The following GSE1 variants were observed in gnomAD, a reference collection of about 807,000 sequenced individuals.
GSE1 encodes Gse1 coiled-coil protein.
Under a neutral mutation model 112.6 loss-of-function variants are expected in GSE1, and 32 were observed. The observed-to-expected ratio is 0.28, with a 90% CI of 0.21 to 0.38. The LOEUF (loss-of-function observed/expected upper bound fraction) is 0.38, where lower values mean the gene tolerates loss of function less well. GSE1 is among the 10% of genes least tolerant of loss of function. The pLI is 1.00. For missense variants in GSE1, 2,348 were observed against 1,699.2 expected (o/e 1.38, Z -6.71); for synonymous variants, 1,115 against 735.6 (o/e 1.52, Z -8.35).
rs140571947 is a variant in GSE1, at chr16:85,583,343, C to T, written c.37+26980C>T. Reference sequence around the variant, plus strand: ...CCTGGTCCTGTTCCCTCAAACTCACCTTTCTCTGCCTGCTTCCAGGGTCCT... The same window carrying T: ...CCTGGTCCTGTTCCCTCAAACTCACTTTTCTCTGCCTGCTTCCAGGGTCCT... On this transcript the variant is annotated intron_variant, in intron 1 of 2. Transcript: ENST00000635906. The T allele has an allele frequency of 1.1e-3, 172 of 152,700 alleles. 4 individuals carry two copies. In the South Asian group the frequency reaches 0.026, roughly 23 times the overall value. The allele number at this position is 152,700 out of a possible 1,614,324, so 9.5% of individuals were successfully genotyped here. A position where few individuals can be genotyped will look rare whatever the true frequency, so the allele number is the denominator to read the frequency against.
chr16:85,584,966 G>A (rs115306930), intron 1 of GSE1, among the ~76,000 whole-genome samples: 3,442 of 152,156 alleles, frequency 0.023, 136 homozygotes, highest in African/African-American at 0.079. Flanking sequence ...GGGTTGTCAC[G>A]GTAATGGGAT....
chr16:85,507,135 C>T (rs562751477), intron 2 of GSE1, among the ~76,000 whole-genome samples: 12 of 152,148 alleles, frequency 7.9e-5, no homozygotes, highest in Admixed American at 2.0e-4. Flanking sequence ...CGGGCGTCGT[C>T]GACGCTCGCC....
At chr16:85,619,559 C>A (rs1340630490) in intron 1 of GSE1, among the ~76,000 whole-genome samples, 1 of 152,178 alleles carries the variant, frequency 6.6e-6, no homozygotes, top group African/African-American at 2.4e-5. Flanking sequence ...GGCAGGCGCT[C>A]TTACGTGGTG....
chr16:85,173,179 C>G (rs2074391964), intron 1 of GSE1, among the ~76,000 whole-genome samples: 2 of 152,204 alleles, frequency 1.3e-5, no homozygotes, highest in African/African-American at 4.8e-5. Context: ...AAGACTGACC[C>G]CAGTTCATTT....
At chr16:85,234,106 G>C (rs1052939658) in intron 1 of GSE1, among the ~76,000 whole-genome samples, 1 of 152,188 alleles carries the variant, frequency 6.6e-6, no homozygotes, top group Admixed American at 6.5e-5. Flanking sequence ...GTAGGCGTCT[G>C]GTTCTGGTGG....
chr16:85,568,830 G>A (rs184503791), intron 1 of GSE1, among the ~76,000 whole-genome samples: 4 of 152,306 alleles, frequency 2.6e-5, no homozygotes, highest in African/African-American at 9.6e-5. Flanking sequence ...GGATCACCCT[G>A]GGTTCACAGC....
chr16:85,212,593 C>G (rs2075244867), intron 1 of GSE1, among the ~76,000 whole-genome samples: 1 of 152,148 alleles, frequency 6.6e-6, no homozygotes, highest in Non-Finnish European at 1.5e-5. Flanking sequence ...AGACATCCAC[C>G]CTGCCCACAC....
At chr16:85,358,902 G>A (rs1028100013) in intron 2 of GSE1, among the ~76,000 whole-genome samples, 1 of 152,220 alleles carries the variant, frequency 6.6e-6, no homozygotes, top group Non-Finnish European at 1.5e-5. Flanking sequence ...GGGAGGAATG[G>A]CTAAGAGCCT....
At position 85,533,780 on chromosome 16, in the gene GSE1, G is replaced by A. The variant is rs181981681; in HGVS notation, c.2465-100134G>A. Among the ~76,000 whole-genome samples the A allele has an allele frequency of 4.5e-4, 69 of 152,156 alleles. 1 individual carries two copies. Among genetic ancestry groups the A allele is most frequent in the African/African-American group, 1.5e-3 (62 of 41,520 alleles). On this transcript the variant is annotated intron_variant, in intron 2 of 2. Transcript: ENST00000637419. ...CTTGGGAGGCTGAGGTGGGAGGATC[G>A]CTTGAGCCCGGGAGGTGGAGGCTGC...
At chr16:85,408,739 A>T (rs1373982567) in intron 2 of GSE1, among the ~76,000 whole-genome samples, 1 of 51,666 alleles carries the variant, frequency 1.9e-5, no homozygotes, top group Non-Finnish European at 3.6e-5. Context: ...CCTCACTGTC[A>T]CTCTCAGGCC....
intron 1 of GSE1, among the ~76,000 whole-genome samples, chr16:85,286,192 G>A (rs984185478): frequency 2.0e-5 from 3 of 152,248 alleles, no homozygotes; most frequent in Non-Finnish European, 4.4e-5. Context: ...CCCGTGCTCC[G>A]AGCATGTTAG....
chr16:85,596,907 ACAC>A (rs1279406249), intron 1 of GSE1, among the ~76,000 whole-genome samples: 3 of 152,138 alleles, frequency 2.0e-5, no homozygotes, highest in African/African-American at 7.2e-5. Flanking sequence ...GTGGTGGCAC[ACAC>A]CTGTAATCCC....
At chr16:85,641,720 T>A (rs1049802734) in intron 2 of GSE1, among the ~76,000 whole-genome samples, 8 of 152,240 alleles carry the variant, frequency 5.3e-5, no homozygotes, top group African/African-American at 1.9e-4. Flanking sequence ...GGGGGCTGAT[T>A]GGCTCTTTCC....
At position 85,245,301 on chromosome 16, in the gene GSE1, G is replaced by T. The variant is rs537981575; in HGVS notation, c.2283+73494G>T. Among the ~76,000 whole-genome samples, 72 of 152,350 alleles carry T rather than the reference G, an allele frequency of 4.7e-4. No individual in the cohort carries two copies. The Middle Eastern group carries it at 0.014, about 29-fold the overall frequency. ...TGCCCTGCTATTAAAGCTGGAGATT[G>T]GCTAGTATTCGAGAGGCACTGAAGT... On this transcript the variant is annotated intron_variant, in intron 1 of 2. Coordinates refer to the GSE1 transcript ENST00000637419.
At chr16:85,184,385 C>A (rs1421492210) in intron 1 of GSE1, among the ~76,000 whole-genome samples, 1 of 152,226 alleles carries the variant, frequency 6.6e-6, no homozygotes, top group African/African-American at 2.4e-5. Context: ...AGAGGGGAAT[C>A]TGCAAAGTCA....
At chr16:85,649,792 A>G (rs1269375415) in intron 3 of GSE1, among the ~76,000 whole-genome samples, 2 of 152,116 alleles carry the variant, frequency 1.3e-5, no homozygotes, top group Admixed American at 1.3e-4. Flanking sequence ...AGGAGGGGAG[A>G]GTCACTCTTG....
intron 2 of GSE1, among the ~76,000 whole-genome samples, chr16:85,542,884 C>T (rs747506931): frequency 6.6e-6 from 1 of 152,232 alleles, no homozygotes; most frequent in African/African-American, 2.4e-5. Context: ...TCCCTCATTA[C>T]ATGACCTGAG....
intron 1 of GSE1, among the ~76,000 whole-genome samples, chr16:85,250,233 A>G (rs1289933310): frequency 2.0e-5 from 3 of 152,096 alleles, no homozygotes; most frequent in Non-Finnish European, 4.4e-5. Context: ...TTCTTTCAGA[A>G]TGGGCTTGGA....
upstream of GSE1, among the ~76,000 whole-genome samples, chr16:85,554,105 G>A (rs952417274): frequency 6.6e-6 from 1 of 152,056 alleles, no homozygotes; most frequent in Non-Finnish European, 1.5e-5. Flanking sequence ...GGAGGTAAAA[G>A]GGCTTGAAAA....
Sources: allele counts gnomAD v4.1 joint callset (sites outside exome capture counted in the v4.1 genomes callset), GRCh38; gene constraint gnomAD v4.1.1; transcripts MANE v1.5; gene names NCBI Gene and HGNC (gene_info 2026-07-23, HGNC 2026-07-21).